Variants in RNF182 observed in about 807,000 individuals in gnomAD.
RNF182 encodes ring finger protein 182.
RNF182 carries 15 observed loss-of-function variants against 14.4 expected under a neutral mutation model. That is an observed-to-expected ratio of 1.04 (90% CI 0.70 to 1.60). The LOEUF is 1.60. Among genes scored for constraint, RNF182 ranks in the 40% most tolerant of loss-of-function variants. The pLI, the probability that RNF182 is intolerant of heterozygous loss-of-function variation, is 0.00. For synonymous variants in RNF182, 128 were observed against 122.9 expected (o/e 1.04, Z -0.27); for missense variants, 268 against 294.8 (o/e 0.91, Z 0.67).
At chr6:13,943,917 TG>T (rs1307934905) in intron 1 of RNF182, among the ~76,000 whole-genome samples, 1 of 152,174 alleles carries the variant, frequency 6.6e-6, no homozygotes, top group African/African-American at 2.4e-5. Context: ...GTTTGTTAAT[TG>T]GTGTTTATCT....
At position 13,977,278 on chromosome 6, in the gene RNF182, C is replaced by T. The variant is rs1394654064; in HGVS notation, c.159C>T (p.Asp53=). The change falls in exon 3 of 3, where the codon GAC becomes GAT. Residue 53 remains aspartate, a synonymous_variant. Coordinates refer to ENST00000488300, the MANE Select transcript of RNF182 (RefSeq NM_152737.4). ...VCAKCLYKII[D]FGDSPQGVIV... is the part of the protein sequence containing the mutation. The stretch of plus-strand genomic sequence containing the variant: ...CCAAATGCCTCTACAAGATCATAGA[C>T]TTTGGGGACTCCCCACAAGGTGTCA... 2 of 1,614,110 alleles carry T rather than the reference C, an allele frequency of 1.2e-6. No individual in the cohort carries two copies. Among genetic ancestry groups the T allele is most frequent in the Non-Finnish European group, 8.5e-7 (1 of 1,180,040 alleles).
intron 1 of RNF182, chr6:13,949,207 T>C: frequency 1.3e-6 from 1 of 795,428 alleles, no homozygotes; most frequent in Non-Finnish European, 2.3e-6. Flanking sequence ...ATGCCTCTCT[T>C]ATTTCTGCAT....
chr6:13,966,592 G>A (rs62385924), intron 1 of RNF182, among the ~76,000 whole-genome samples: 3,000 of 151,986 alleles, frequency 0.02, 44 homozygotes, highest in Non-Finnish European at 0.031. Context: ...GCAAAACCCC[G>A]TCTCTACTAA....
intron 1 of RNF182, 143 bp downstream of exon 1, chr6:13,925,166 C>A (rs1195898473): frequency 6.8e-6 from 1 of 147,956 alleles, no homozygotes; most frequent in East Asian, 2.0e-4. Flanking sequence ...AACTTCGGGC[C>A]GAGCGGCGCC....
At chr6:13,930,048 G>A (rs1375058172) in intron 1 of RNF182, among the ~76,000 whole-genome samples, 2 of 152,080 alleles carry the variant, frequency 1.3e-5, no homozygotes, top group Admixed American at 6.5e-5. Context: ...AAAGAATATA[G>A]TCAGCCTTGC....
intron 1 of RNF182, among the ~76,000 whole-genome samples, chr6:13,935,492 C>G (rs1375546149): frequency 6.6e-6 from 1 of 152,036 alleles, no homozygotes; most frequent in Admixed American, 6.5e-5. Context: ...AATATCAAGG[C>G]CTTTATTCAT....
intron 1 of RNF182, among the ~76,000 whole-genome samples, chr6:13,956,065 C>T (rs1759721554): frequency 6.6e-6 from 1 of 152,172 alleles, no homozygotes; most frequent in African/African-American, 2.4e-5. Flanking sequence ...TGCCTGGCTT[C>T]TTTCACTTCA....
chr6:13,976,107 T>C (rs1483114216), intron 2 of RNF182, among the ~76,000 whole-genome samples: 1 of 152,246 alleles, frequency 6.6e-6, no homozygotes, highest in Non-Finnish European at 1.5e-5. Flanking sequence ...TAAGTGAATG[T>C]TGAGTATTTC....
intron 1 of RNF182, among the ~76,000 whole-genome samples, chr6:13,926,867 A>G (rs890102533): frequency 3.3e-5 from 5 of 152,006 alleles, no homozygotes. Context: ...ATTCAAGTTC[A>G]AGGACTTGGT....
rs79556754 is a variant in RNF182 at position 13,940,896 on chromosome 6, G to A, written c.-367+15873G>A. On this transcript the variant is annotated intron_variant, in intron 1 of 2. Coordinates refer to ENST00000488300, the MANE Select transcript of RNF182 (RefSeq NM_152737.4). ...AGGATATTCTAAAAATCTTTTTGTTGATTTCTAGCTTAATCCAGCTATTGT... is the reference window on the plus strand; with the variant it reads ...AGGATATTCTAAAAATCTTTTTGTTAATTTCTAGCTTAATCCAGCTATTGT... Among the ~76,000 whole-genome samples the A allele has an allele frequency of 7.0e-3, 1,069 of 151,900 alleles. 13 individuals are homozygous for A. The highest frequency in any genetic ancestry group is 0.039 in the East Asian group (202 of 5,168).
At chr6:13,930,226 T>G (rs2113577089) in intron 1 of RNF182, among the ~76,000 whole-genome samples, 2 of 152,336 alleles carry the variant, frequency 1.3e-5, no homozygotes, top group Admixed American at 1.3e-4. Context: ...TACAGATGAT[T>G]TAAAGTACAT....
intron 1 of RNF182, among the ~76,000 whole-genome samples, chr6:13,960,692 T>TGTGCGTGCGC (rs367625022): frequency 7.3e-6 from 1 of 137,694 alleles, no homozygotes; most frequent in African/African-American, 2.5e-5. Flanking sequence ...TGTGTGTGTG[T>TGTGCGTGCGC]GCGCGCGTGC....
intron 1 of RNF182, among the ~76,000 whole-genome samples, chr6:13,943,283 T>C (rs1310277447): frequency 7.1e-6 from 1 of 140,516 alleles, no homozygotes; most frequent in East Asian, 2.2e-4. Flanking sequence ...TGGTTCCTGC[T>C]TTTTTTTTTT....
At chr6:13,941,815 A>G (rs921889067) in intron 1 of RNF182, among the ~76,000 whole-genome samples, 16 of 152,182 alleles carry the variant, frequency 1.1e-4, no homozygotes, top group Admixed American at 9.2e-4. Flanking sequence ...CTTTGACTCT[A>G]TAAACCCCTT....
At chr6:13,950,897 A>G (rs1759574029) in intron 1 of RNF182, among the ~76,000 whole-genome samples, 1 of 151,922 alleles carries the variant, frequency 6.6e-6, no homozygotes, top group Non-Finnish European at 1.5e-5. Context: ...CTTGGGTTCA[A>G]GTGATTCTCC....
intron 1 of RNF182, among the ~76,000 whole-genome samples, chr6:13,972,275 A>T (rs1044948914): frequency 2.0e-5 from 3 of 151,126 alleles, no homozygotes; most frequent in African/African-American, 4.9e-5. Context: ...ACTGCACTCC[A>T]GCCTGGGTGA....
intron 1 of RNF182, among the ~76,000 whole-genome samples, chr6:13,966,713 A>G (rs187180129): frequency 6.6e-6 from 1 of 152,160 alleles, no homozygotes; most frequent in Non-Finnish European, 1.5e-5. Flanking sequence ...CAGTGAGCTG[A>G]GATCATGCCA....
At chr6:13,972,419 G>T (rs904886524) in intron 1 of RNF182, among the ~76,000 whole-genome samples, 3 of 152,118 alleles carry the variant, frequency 2.0e-5, no homozygotes, top group African/African-American at 7.2e-5. Context: ...CCAGAAATTT[G>T]CATAAGTAAT....
At chr6:13,937,456 A>G (rs1409097533) in intron 1 of RNF182, among the ~76,000 whole-genome samples, 1 of 152,184 alleles carries the variant, frequency 6.6e-6, no homozygotes, top group Non-Finnish European at 1.5e-5. Flanking sequence ...GCTTTCACCA[A>G]CTATTTGGGA....
Sources: gnomAD v4.1 joint callset for allele counts (sites outside exome capture counted in the v4.1 genomes callset) on GRCh38, gnomAD v4.1.1 for gene constraint, MANE v1.5 for transcripts, NCBI Gene and HGNC (gene_info 2026-07-23, HGNC 2026-07-21) for gene names.